The following PAK3 variants were observed in gnomAD, a reference collection of about 807,000 sequenced individuals.
The protein encoded by PAK3 is p21 (RAC1) activated kinase 3.
PAK3 carries 4 observed loss-of-function variants against 41.0 expected under a neutral mutation model. That is an observed-to-expected ratio of 0.10 (90% CI 0.05 to 0.22). The LOEUF (loss-of-function observed/expected upper bound fraction) is 0.22. PAK3 is among the 10% of genes least tolerant of loss of function. The pLI is 1.00. For synonymous variants in PAK3, 146 were observed against 139.6 expected, an observed-to-expected ratio of 1.05 and a Z score of -0.32; for missense variants, 205 against 409.9, an observed-to-expected ratio of 0.50 and a Z score of 4.32.
At position 110,968,301 on chromosome X, in the gene PAK3, G is replaced by T. The variant is rs768573887; in HGVS notation, c.-28+23673G>T. Among the ~76,000 whole-genome samples the T allele has an allele frequency of 4.4e-5, 5 of 112,621 alleles. No individual in the cohort carries two copies. The East Asian group carries it at 1.4e-3, about 31-fold the overall frequency. The stretch of plus-strand genomic sequence containing the variant: ...CAACTGCCATGAACAATCATGTACA[G>T]GTCTTTGTGTGGACAAAAGCTTTCA... On this transcript the variant is annotated intron_variant, in intron 1 of 14. Transcript: ENST00000425146.
At chrX:111,201,821 GA>G (rs995584071) in intron 16 of PAK3, among the ~76,000 whole-genome samples, 2 of 110,038 alleles carry the variant, frequency 1.8e-5, no homozygotes, top group Non-Finnish European at 3.8e-5. Flanking sequence ...TTCACTGTAG[GA>G]AAAAAATATA....
chrX:111,161,450 T>G (rs1369749928), intron 8 of PAK3, among the ~76,000 whole-genome samples: 1 of 111,277 alleles, frequency 9.0e-6, no homozygotes, highest in Non-Finnish European at 1.9e-5. Context: ...TCTTTTGCTG[T>G]GCAGAAGCTC....
At chrX:111,128,483 T>G (rs1237700144) in intron 5 of PAK3, among the ~76,000 whole-genome samples, 1 of 112,142 alleles carries the variant, frequency 8.9e-6, no homozygotes, top group Non-Finnish European at 1.9e-5. Flanking sequence ...CTCTATATTA[T>G]TCCCTTTTTA....
chrX:111,148,992 G>A (rs1156868764), intron 7 of PAK3, among the ~76,000 whole-genome samples: 1 of 111,795 alleles, frequency 8.9e-6, no homozygotes, highest in Non-Finnish European at 1.9e-5. Context: ...CTACGAGCCT[G>A]TAAAATCAAA....
At chrX:111,072,627 G>A (rs898194857) in intron 1 of PAK3, among the ~76,000 whole-genome samples, 11 of 112,513 alleles carry the variant, frequency 9.8e-5, no homozygotes, top group African/African-American at 3.2e-4. Context: ...CTGGGTATGT[G>A]AAGACCCCCA....
chrX:111,166,983 T>G (rs1335256356), intron 10 of PAK3, among the ~76,000 whole-genome samples: 2 of 106,311 alleles, frequency 1.9e-5, no homozygotes, highest in Non-Finnish European at 3.8e-5. Context: ...ATAATTTTCT[T>G]CATCTGAAAG....
chrX:111,057,733 G>GT (rs2092617212), intron 1 of PAK3, among the ~76,000 whole-genome samples: 1 of 111,331 alleles, frequency 9.0e-6, no homozygotes, highest in South Asian at 3.8e-4. Context: ...CAATTCAGTG[G>GT]TTTTTAATAT....
intron 13 of PAK3, 24 bp downstream of exon 13, chrX:111,192,642 A>G (rs2094571024): frequency 7.0e-6 from 5 of 718,394 alleles, no homozygotes; most frequent in East Asian, 3.2e-5. Flanking sequence ...CTTATTATGT[A>G]CTTATATTCT....
At position 111,192,618 on chromosome X, in the gene PAK3, G is replaced by A. The variant is rs770801401; in HGVS notation, c.992G>A (p.Ser331Asn). The A allele has an allele frequency of 2.4e-6, 2 of 846,078 alleles. No individual in the cohort carries two copies. Among genetic ancestry groups the A allele is most frequent in the Non-Finnish European group, 3.6e-6 (2 of 563,127 alleles). The allele number at this position is 846,078 out of a possible 1,213,427, so 69.7% of individuals were successfully genotyped here. A position where few individuals can be genotyped will look rare whatever the true frequency, so the allele number is the denominator to read the frequency against. Residue 331 changes from serine (S) to asparagine (N), a missense_variant and splice_region_variant, in exon 13 of 18, where the codon AGC becomes AAC. By Grantham distance (46) the Ser-to-Asn change is conservative. This residue lies in a region of PAK3 where 42 missense variants were observed against 152.7 expected (regional missense o/e 0.28). Coordinates refer to ENST00000372007, the MANE Select transcript of PAK3 (RefSeq NM_002578.5). ...KNPNIVNYLD[S>N]YLVGDELWVV... ...CCTAATATTGTTAATTATTTAGATA[G>A]GTAAGTGTTTTGTCTTATTATGTAC...
Position 111,123,292 on chromosome X carries a change from G to A in PAK3, c.175+14G>A. The A allele has an allele frequency of 8.5e-7, 1 of 1,172,565 alleles. No homozygotes were observed. On this transcript the variant is annotated intron_variant, in intron 5 of 17. Coordinates refer to ENST00000372007, the MANE Select transcript of PAK3 (RefSeq NM_002578.5). ...GAGGGGATAAAAGTAAAGTATCAGT[G>A]GCCGGGCATTGAAAATGGGCTAGTT...
chrX:111,100,021 G>A (rs965944596), intron 3 of PAK3, among the ~76,000 whole-genome samples: 7 of 109,705 alleles, frequency 6.4e-5, no homozygotes, highest in Non-Finnish European at 1.3e-4. Flanking sequence ...TTTCAACAGT[G>A]TGGCTTTACT....
intron 5 of PAK3, among the ~76,000 whole-genome samples, chrX:111,129,474 T>C (rs978111202): frequency 8.1e-5 from 9 of 111,496 alleles, no homozygotes; most frequent in African/African-American, 2.9e-4. Flanking sequence ...TTGCTTGTCC[T>C]CTAGGGTCAG....
chrX:111,044,636 A>G (rs1392572206), intron 1 of PAK3, among the ~76,000 whole-genome samples: 1 of 111,854 alleles, frequency 8.9e-6, no homozygotes, highest in Non-Finnish European at 1.9e-5. Flanking sequence ...ATGAATGATC[A>G]ACGAGGTCTC....
At chrX:111,215,283 G>A (rs1002657945) in intron 16 of PAK3, among the ~76,000 whole-genome samples, 1 of 111,693 alleles carries the variant, frequency 9.0e-6, no homozygotes, top group Admixed American at 9.5e-5. Context: ...CTTCAGCTGG[G>A]CGCAGTGGCT....
At chrX:111,001,157 G>A (rs985677832) in intron 1 of PAK3, among the ~76,000 whole-genome samples, 16 of 111,990 alleles carry the variant, frequency 1.4e-4, no homozygotes, top group Non-Finnish European at 2.6e-4. Context: ...TCAGTTTGCC[G>A]CATTCTGTGG....
chrX:111,050,101 C>A (rs1426436090), intron 1 of PAK3, among the ~76,000 whole-genome samples: 1 of 111,622 alleles, frequency 9.0e-6, no homozygotes, highest in Non-Finnish European at 1.9e-5. Flanking sequence ...TTCTTAGCTC[C>A]CAGGAAGTAT....
intron 1 of PAK3, among the ~76,000 whole-genome samples, chrX:110,970,528 A>G (rs2091184462): frequency 9.0e-6 from 1 of 111,320 alleles, no homozygotes; most frequent in Admixed American, 9.6e-5. Flanking sequence ...GTTCTCACTC[A>G]TAAGTGGGAG....
At chrX:111,184,590 C>G (rs2094492145) in intron 11 of PAK3, among the ~76,000 whole-genome samples, 1 of 106,841 alleles carries the variant, frequency 9.4e-6, no homozygotes, top group East Asian at 3.0e-4. Context: ...GTGATGTTCC[C>G]CTTCCTGTGT....
At chrX:111,085,165 GT>G (rs747447590) in intron 1 of PAK3, among the ~76,000 whole-genome samples, 72 of 111,023 alleles carry the variant, frequency 6.5e-4, no homozygotes, top group East Asian at 2.0e-3. Context: ...AAACACGACA[GT>G]TTTTTTTTAA....
Sources: allele counts gnomAD v4.1 joint callset (sites outside exome capture counted in the v4.1 genomes callset), GRCh38; gene constraint gnomAD v4.1.1; regional missense constraint gnomAD v4.1.1; transcripts MANE v1.5; gene names NCBI Gene and HGNC (gene_info 2026-07-23, HGNC 2026-07-21).